C1orf185: variants seen among roughly 807,000 people sequenced by gnomAD.
C1orf185 encodes uncharacterized protein C1orf185.
In C1orf185, 13 loss-of-function variants were observed where a neutral mutation model predicts 16.1. That is an observed-to-expected ratio of 0.81 (90% CI 0.53 to 1.28). The LOEUF (loss-of-function observed/expected upper bound fraction) is 1.28. Ranked by LOEUF, C1orf185 falls within the 50% of genes most tolerant of loss-of-function variation. C1orf185 has a pLI of 0.00. For missense variants in C1orf185, 220 were observed against 225.2 expected (o/e 0.98, Z 0.15); for synonymous variants, 80 against 76.9 (o/e 1.04, Z -0.21).
chr1:51,118,556 T>G, intron 2 of C1orf185, 110 bp from the exon 3 acceptor site: 4 of 637,182 alleles, frequency 6.3e-6, no homozygotes, highest in Non-Finnish European at 9.4e-6. Flanking sequence ...TATGCTATAA[T>G]GTATTTATTC....
At chr1:51,146,824 C>A (rs879639188) in intron 4 of C1orf185, among the ~76,000 whole-genome samples, 4 of 152,030 alleles carry the variant, frequency 2.6e-5, no homozygotes, top group Non-Finnish European at 5.9e-5. Flanking sequence ...TTGAAAGTCT[C>A]TACAGGAAGA....
chr1:51,138,773 C>T lies in C1orf185; in HGVS notation c.259-6951C>T, dbSNP rs1057374220. On this transcript the variant is annotated intron_variant, in intron 3 of 4. Transcript: ENST00000371759. ...TGCAATCTCAGCTCACTGCAACCTC[C>T]GCCTCCCAGGTTCAAACAAGTCTCC... Among the ~76,000 whole-genome samples the T allele has an allele frequency of 5.9e-5, 9 of 151,932 alleles. No homozygotes were observed. The South Asian group carries it at 6.3e-4, about 11-fold the overall frequency.
chr1:51,110,382 C>T (rs1442112227), intron 1 of C1orf185, among the ~76,000 whole-genome samples: 3 of 152,130 alleles, frequency 2.0e-5, no homozygotes, highest in African/African-American at 7.2e-5. Context: ...AAAAGTATCA[C>T]TTTGAGAAAT....
intron 3 of C1orf185, among the ~76,000 whole-genome samples, chr1:51,124,863 G>A (rs890223865): frequency 5.3e-5 from 8 of 152,204 alleles, no homozygotes; most frequent in Admixed American, 1.3e-4. Context: ...ACAAGATCCT[G>A]TTTTGGTCAG....
intron 3 of C1orf185, among the ~76,000 whole-genome samples, chr1:51,131,758 A>G (rs1646287279): frequency 6.6e-6 from 1 of 152,234 alleles, no homozygotes; most frequent in Admixed American, 6.5e-5. Context: ...ATGATTGGCC[A>G]TGGATTGCTG....
In C1orf185 at chr1:51,147,884, A is replaced by G. The variant is rs1029801318; in HGVS notation, c.*113A>G. Reference sequence around the variant, plus strand: ...ACTTTTTTCTTTTGAAACCTTGTATACAATCAGCTTCTGAGTCTCTTAACA... The same window carrying G: ...ACTTTTTTCTTTTGAAACCTTGTATGCAATCAGCTTCTGAGTCTCTTAACA... On this transcript the variant is annotated 3_prime_UTR_variant, in exon 5 of 5. Coordinates refer to ENST00000371759, the MANE Select transcript of C1orf185 (RefSeq NM_001136508.2). The G allele has an allele frequency of 9.3e-6, 9 of 970,616 alleles. No individual in the cohort carries two copies. The African/African-American group carries it at 1.2e-4, about 12-fold the overall frequency. The allele number at this position is 970,616 out of a possible 1,614,324, so 60.1% of individuals were successfully genotyped here.
chr1:51,141,187 A>G (rs556557834), intron 3 of C1orf185, among the ~76,000 whole-genome samples: 1 of 152,340 alleles, frequency 6.6e-6, no homozygotes, highest in Non-Finnish European at 1.5e-5. Context: ...AGGTGTGTAC[A>G]GTGATATTAA....
downstream of C1orf185, among the ~76,000 whole-genome samples, chr1:51,151,022 C>T (rs1182817900): frequency 6.6e-6 from 1 of 152,206 alleles, no homozygotes; most frequent in African/African-American, 2.4e-5. Context: ...CATAGGCAAT[C>T]TGTTTCTGCT....
chr1:51,139,804 T>C (rs1646352044), intron 3 of C1orf185, among the ~76,000 whole-genome samples: 1 of 152,192 alleles, frequency 6.6e-6, no homozygotes, highest in South Asian at 2.1e-4. Context: ...TCTTAGTGCT[T>C]TATAACAACA....
At chr1:51,104,939 T>C (rs539521209) in intron 1 of C1orf185, among the ~76,000 whole-genome samples, 1 of 152,130 alleles carries the variant, frequency 6.6e-6, no homozygotes, top group East Asian at 1.9e-4. Context: ...GTATGCTCCA[T>C]AATCGTGTGT....
intron 1 of C1orf185, among the ~76,000 whole-genome samples, chr1:51,109,038 A>G (rs374698827): frequency 2.6e-5 from 4 of 152,204 alleles, no homozygotes; most frequent in African/African-American, 9.6e-5. Flanking sequence ...CATTCTCACC[A>G]ACAGTCTATA....
downstream of C1orf185, among the ~76,000 whole-genome samples, chr1:51,150,346 A>G (rs1218575752): frequency 1.3e-5 from 2 of 152,006 alleles, no homozygotes; most frequent in East Asian, 1.9e-4. Context: ...ACATGTGCCA[A>G]CACGTCCAGC....
chr1:51,124,461 G>A (rs1646223506), intron 3 of C1orf185, among the ~76,000 whole-genome samples: 1 of 152,212 alleles, frequency 6.6e-6, no homozygotes, highest in South Asian at 2.1e-4. Context: ...AGAAAGCCAG[G>A]AAAGAATTCA....
At chr1:51,145,224 G>A (rs1646391248) in intron 3 of C1orf185, among the ~76,000 whole-genome samples, 1 of 151,994 alleles carries the variant, frequency 6.6e-6, no homozygotes, top group Non-Finnish European at 1.5e-5. Flanking sequence ...AAGATCGCTT[G>A]AGCCCAGGAG....
chr1:51,112,602 T>C (rs1364010021), intron 2 of C1orf185, 33 bp downstream of exon 2: 3 of 1,478,392 alleles, frequency 2.0e-6, no homozygotes. Flanking sequence ...TTTAACCTTT[T>C]TTTCTTTTAA....
intron 1 of C1orf185, among the ~76,000 whole-genome samples, chr1:51,104,301 T>C (rs1646054058): frequency 6.6e-6 from 1 of 152,236 alleles, no homozygotes; most frequent in Admixed American, 6.5e-5. Flanking sequence ...GCAGGACTTA[T>C]AGTTCAGGAA....
intron 3 of C1orf185, among the ~76,000 whole-genome samples, chr1:51,143,658 A>G (rs1183109468): frequency 6.6e-6 from 1 of 152,206 alleles, no homozygotes; most frequent in Non-Finnish European, 1.5e-5. Context: ...TTTTATAAAA[A>G]TTAATTGATT....
At position 51,112,525 on chromosome 1, in the gene C1orf185, C is replaced by G; in HGVS notation, c.78C>G (p.Phe26Leu). Reference protein sequence around the residue: ...AAGAVTLGIGFFALASALWFL... With the variant: ...AAGAVTLGIGLFALASALWFL... ...GTGCTGTCACTTTGGGAATTGGTTT[C>G]TTTGCTTTGGCATCAGCTTTGTGGT... Residue 26 changes from phenylalanine to leucine, a missense_variant, in exon 2 of 5, where the codon TTC becomes TTG. Physicochemically the swap from Phe to Leu is conservative, Grantham distance 22 (BLOSUM62 0). Transcript: ENST00000371759. The G allele has an allele frequency of 6.5e-7, 1 of 1,549,882 alleles. No individual in the cohort carries two copies. The highest frequency in any genetic ancestry group is 8.7e-7 in the Non-Finnish European group (1 of 1,146,140).
At chr1:51,134,521 CA>C (rs140822937) in intron 3 of C1orf185, among the ~76,000 whole-genome samples, 141,074 of 150,618 alleles carry the variant, frequency 0.94, 66,608 homozygotes, top group Non-Finnish European at 1. Context: ...GAGACACACA[CA>C]AAAAAAAAAC....
Sources: gnomAD v4.1 joint callset for allele counts (sites outside exome capture counted in the v4.1 genomes callset) on GRCh38, gnomAD v4.1.1 for gene constraint, MANE v1.5 for transcripts, NCBI Gene and HGNC (gene_info 2026-07-23, HGNC 2026-07-21) for gene names.